The following VWA5B2 variants were observed in gnomAD, a reference collection of about 807,000 sequenced individuals.
The protein encoded by VWA5B2 is von Willebrand factor A domain-containing protein 5B2.
Under a neutral mutation model 118.5 loss-of-function variants are expected in VWA5B2, and 93 were observed. The observed-to-expected ratio is 0.79, with a 90% CI of 0.66 to 0.93. The LOEUF (loss-of-function observed/expected upper bound fraction) is 0.93, where lower values mean the gene tolerates loss of function less well. Ranked by LOEUF, VWA5B2 falls within the 40% of genes least tolerant of loss-of-function variation. The probability of loss-of-function intolerance (pLI) is 0.00; values close to 1 mark genes in which losing one functional copy is unlikely to be tolerated. For missense variants in VWA5B2, 1,546 were observed against 1,672.8 expected (o/e 0.92, Z 1.32); for synonymous variants, 708 against 716.3 (o/e 0.99, Z 0.19).
chr3:184,233,390 G>A lies in VWA5B2; in HGVS notation c.523G>A (p.Asp175Asn). Residue 175 changes from aspartate to asparagine, a missense_variant, in exon 4 of 20, where the codon GAC becomes AAC. Physicochemically the swap from Asp to Asn is conservative, Grantham distance 23 (BLOSUM62 1). Transcript: ENST00000691901. The surrounding 1 kb of genome is among the most constrained non-coding windows in gnomAD (Gnocchi z 5.2). ...PGPPRPPGLC[D>N]DSPTSCFGVG... ...GCCCCCCAGGCCTCCGGGGCTCTGT[G>A]ACGACAGGTTGGGCCTATGGTGATT... 1 of 1,535,532 alleles carries A rather than the reference G, an allele frequency of 6.5e-7. No individual in the cohort carries two copies. Among genetic ancestry groups the A allele is most frequent in the Non-Finnish European group, 8.8e-7 (1 of 1,140,986 alleles).
rs1177860865 is a variant in VWA5B2 at position 184,241,439 on chromosome 3, G to A, written c.3180+35G>A. ...CGGGAGGTGGAGGGTGGTGCCGCCG[G>A]GGCCGGGCGCTGTTTCAGCTCGCTT... On this transcript the variant is annotated intron_variant, in intron 19 of 19. Transcript: ENST00000691901. The surrounding 1 kb of genome is among the most constrained non-coding windows in gnomAD (Gnocchi z 5.1). 3.2e-6 allele frequency: 5 copies of A among 1,568,458 alleles called. No individual in the cohort carries two copies. The highest frequency in any genetic ancestry group is 4.3e-6 in the Non-Finnish European group (5 of 1,155,388).
rs1381848306 is a variant in VWA5B2, at chr3:184,237,659, G to C, written c.1719+248G>C. Reference sequence around the variant, plus strand: ...GTGTTACCCCTCAGTTTTTACCCAAGGTCACTAAAGCACACAGCCACAGAA... The same window carrying C: ...GTGTTACCCCTCAGTTTTTACCCAACGTCACTAAAGCACACAGCCACAGAA... On this transcript the variant is annotated intron_variant, in intron 12 of 19. Coordinates refer to ENST00000691901, the MANE Select transcript of VWA5B2 (RefSeq NM_001390846.1). This position sits in a 1 kb window ranked among gnomAD's most constrained non-coding sequence, Gnocchi z 5.6. Among the ~76,000 whole-genome samples the C allele has an allele frequency of 2.0e-5, 3 of 152,098 alleles. No homozygotes were observed. The East Asian group carries it at 5.8e-4, about 29-fold the overall frequency.
chr3:184,230,642 C>T lies in VWA5B2; in HGVS notation c.114C>T (p.Arg38=), dbSNP rs1717286743. ...CLSVRARLTY[R]NPQPQPVDGV... ...GCGTGCGGGCCCGGCTCACCTACCG[C>T]AACCCGCAGCCGCAGCCGGTGGACG... The change falls in exon 2 of 20, where the codon CGC becomes CGT. Residue 38 remains arginine, a synonymous_variant. Coordinates refer to ENST00000691901, the MANE Select transcript of VWA5B2 (RefSeq NM_001390846.1). The T allele has an allele frequency of 1.5e-6, 2 of 1,351,224 alleles. No individual in the cohort carries two copies. Among genetic ancestry groups the T allele is most frequent in the African/African-American group, 3.1e-5 (2 of 65,480 alleles). The allele number at this position is 1,351,224 out of a possible 1,614,324, so 83.7% of individuals were successfully genotyped here. A position where few individuals can be genotyped will look rare whatever the true frequency, so the allele number is the denominator to read the frequency against.
At position 184,238,572 on chromosome 3, in the gene VWA5B2, C is replaced by G. The variant is rs1353164271; in HGVS notation, c.1901C>G (p.Ala634Gly). The change falls in exon 14 of 20, where the codon GCT (alanine) becomes GGT (glycine). Residue 634 changes from alanine (A) to glycine (G), a missense_variant. Around this residue, in one of 3 missense-constraint regions of VWA5B2, gnomAD observed 775 missense variants for 882.3 expected, o/e 0.88. Transcript: ENST00000691901. This position sits in a 1 kb window ranked among gnomAD's most constrained non-coding sequence, Gnocchi z 5.0. ...TACTGCCTCCCAGCAGGTACTGATG[C>G]TCTGACAGACCCAGTCACGGATCCT... is the stretch of plus-strand genomic sequence containing the variant. ...AARDSEQSTD[A>G]LTDPVTDPGP... 1.3e-6 allele frequency: 2 copies of G among 1,548,446 alleles called. No individual in the cohort carries two copies. Among genetic ancestry groups the G allele is most frequent in the Non-Finnish European group, 1.7e-6 (2 of 1,144,422 alleles).
chr3:184,240,387 A>C (rs1216206667), intron 16 of VWA5B2: 1 of 343,652 alleles, frequency 2.9e-6, no homozygotes, highest in Non-Finnish European at 5.3e-6. Flanking sequence ...GAAAATACTT[A>C]AAGTTCATTT....
chr3:184,239,877 G>C lies in VWA5B2; in HGVS notation c.2581G>C (p.Glu861Gln), dbSNP rs766185179. The change falls in exon 16 of 20, where the codon GAG becomes CAG. Residue 861 changes from glutamate to glutamine, a missense_variant. Physicochemically the swap from Glu to Gln is conservative, Grantham distance 29. Transcript: ENST00000691901. This position sits in a 1 kb window ranked among gnomAD's most constrained non-coding sequence, Gnocchi z 5.1. ...GTGCTGGGAGGTGGGTGTTGGGCTG[G>C]AGACACTGTGGGGACCTGGAGATGG... ...PMCWEVGVGL[E>Q]TLWGPGDGSQ... The C allele has an allele frequency of 6.4e-7, 1 of 1,551,680 alleles. No individual in the cohort carries two copies.
At position 184,239,805 on chromosome 3, in the gene VWA5B2, C is replaced by G; in HGVS notation, c.2509C>G (p.Pro837Ala). 2.6e-6 allele frequency: 4 copies of G among 1,548,136 alleles called. No individual in the cohort carries two copies. The highest frequency in any genetic ancestry group is 2.6e-6 in the Non-Finnish European group (3 of 1,144,412). Residue 837 changes from proline to alanine, a missense_variant, in exon 16 of 20, where the codon CCA becomes GCA. By Grantham distance (27) the Pro-to-Ala change is conservative (BLOSUM62 -1). This residue lies in a region of VWA5B2 where 763 missense variants were observed against 766.6 expected (regional missense o/e 1.00). Transcript: ENST00000691901. The surrounding 1 kb of genome is among the most constrained non-coding windows in gnomAD (Gnocchi z 5.1). ...CCCTCCAGCAGTGCCTCCCCAGGCT[C>G]CACGCTGCCATGTGGTGATCCGGGG... ...LAPPAVPPQA[P>A]RCHVVIRGLC...
chr3:184,238,295 C>G lies in VWA5B2; in HGVS notation c.1720-8C>G. On this transcript the variant is annotated splice_region_variant and splice_polypyrimidine_tract_variant and intron_variant, in intron 12 of 19. Coordinates refer to ENST00000691901, the MANE Select transcript of VWA5B2 (RefSeq NM_001390846.1). This position sits in a 1 kb window ranked among gnomAD's most constrained non-coding sequence, Gnocchi z 5.0. Reference sequence around the variant, plus strand: ...AGTTAATTTTTTTCCCAATAATATTCTCTCTAGGGCCAAGAGCCTGGCTGG... The same window carrying G: ...AGTTAATTTTTTTCCCAATAATATTGTCTCTAGGGCCAAGAGCCTGGCTGG... 6.8e-7 allele frequency: 1 copy of G among 1,474,716 alleles called. No individual in the cohort carries two copies. The highest frequency in any genetic ancestry group is 2.7e-5 in the Admixed American group (1 of 37,684). The allele number at this position is 1,474,716 out of a possible 1,614,324, so 91.4% of individuals were successfully genotyped here. A position where few individuals can be genotyped will look rare whatever the true frequency, so the allele number is the denominator to read the frequency against.
intron 11 of VWA5B2, among the ~76,000 whole-genome samples, 189 bp downstream of exon 11, chr3:184,236,938 AC>A (rs1425798970): frequency 6.6e-6 from 1 of 152,092 alleles, no homozygotes; most frequent in Non-Finnish European, 1.5e-5. Context: ...ACTGTCTCTG[AC>A]CACCCTCTGA....
rs1289432356 is a variant in VWA5B2 at position 184,242,247 on chromosome 3, C to A, written c.*209C>A. ...CCTCCCACCCCACTCACACTCCCCT[C>A]CATCCTCTGAGCTCCCTGCAACACA... On this transcript the variant is annotated 3_prime_UTR_variant, in exon 20 of 20. Transcript: ENST00000691901. 3 of 747,780 alleles carry A rather than the reference C, an allele frequency of 4.0e-6. No homozygotes were observed. The highest frequency in any genetic ancestry group is 4.4e-6 in the Non-Finnish European group (2 of 451,740). 46.3% of individuals were successfully genotyped at this position (747,780 alleles called of 1,614,324 possible).
Position 184,239,305 on chromosome 3 carries a change from G to C in VWA5B2, c.2203-89G>C. On this transcript the variant is annotated intron_variant, in intron 14 of 19. Coordinates refer to ENST00000691901, the MANE Select transcript of VWA5B2 (RefSeq NM_001390846.1). This position sits in a 1 kb window ranked among gnomAD's most constrained non-coding sequence, Gnocchi z 5.1. ...TGGTGAGCGGCCACCCAGGGTTTCA[G>C]AAAAGGGGCATGGGCCAGCTGTGCA... is the stretch of plus-strand genomic sequence containing the variant. 2 of 1,376,344 alleles carry C rather than the reference G, an allele frequency of 1.5e-6. No homozygotes were observed. The highest frequency in any genetic ancestry group is 1.9e-6 in the Non-Finnish European group (2 of 1,054,756). The allele number at this position is 1,376,344 out of a possible 1,614,324, so 85.3% of individuals were successfully genotyped here.
Position 184,238,657 on chromosome 3 carries a change from G to A in VWA5B2, c.1986G>A (p.Arg662=). The change falls in exon 14 of 20, where the codon CGG becomes CGA. Residue 662 remains arginine (R), a synonymous_variant. Coordinates refer to ENST00000691901, the MANE Select transcript of VWA5B2 (RefSeq NM_001390846.1). The surrounding 1 kb of genome is among the most constrained non-coding windows in gnomAD (Gnocchi z 5.0). ...GCATCTTTCAGTCCTCGTACATTCG[G>A]GAGCAGTATGTGCTCACCCACTGCT... ...WRRIFQSSYI[R]EQYVLTHCSA... is the part of the protein sequence containing the mutation. 6.4e-7 allele frequency: 1 copy of A among 1,551,592 alleles called. No individual in the cohort carries two copies. The highest frequency in any genetic ancestry group is 1.2e-5 in the South Asian group (1 of 84,064).
rs779760049 is a variant in VWA5B2, at chr3:184,234,236, A to T, written c.689-30A>T. 2.5e-5 allele frequency: 38 copies of T among 1,548,800 alleles called. No individual in the cohort carries two copies. The South Asian group carries it at 3.9e-4, about 16-fold the overall frequency. The stretch of plus-strand genomic sequence containing the variant: ...GTCCCTGGGAAGGTGTTATGGCTAC[A>T]TCTCCCCTTCCTGCCTCTATGTCCC... On this transcript the variant is annotated intron_variant, in intron 5 of 19. Coordinates refer to ENST00000691901, the MANE Select transcript of VWA5B2 (RefSeq NM_001390846.1).
At chr3:184,232,100 G>A (rs1349200063) in intron 3 of VWA5B2, among the ~76,000 whole-genome samples, 1 of 152,184 alleles carries the variant, frequency 6.6e-6, no homozygotes, top group Non-Finnish European at 1.5e-5. Context: ...TGAATCCCAA[G>A]TAGTGGGTAA....
chr3:184,242,311 A>G lies in VWA5B2; in HGVS notation c.*273A>G, dbSNP rs1489297914. The G allele has an allele frequency of 1.3e-6, 1 of 778,652 alleles. No individual in the cohort carries two copies. The highest frequency in any genetic ancestry group is 2.2e-6 in the Non-Finnish European group (1 of 458,900). 48.2% of individuals were successfully genotyped at this position (778,652 alleles called of 1,614,324 possible). On this transcript the variant is annotated 3_prime_UTR_variant, in exon 20 of 20. Coordinates refer to ENST00000691901, the MANE Select transcript of VWA5B2 (RefSeq NM_001390846.1). ...GAGCCACAGTCCCCAAATCCTATGCAATAAAGTGCCTCTTAGGACTGCTTG... is the reference window on the plus strand; with the variant it reads ...GAGCCACAGTCCCCAAATCCTATGCGATAAAGTGCCTCTTAGGACTGCTTG...
Position 184,241,427 on chromosome 3 carries a change from GTGGTGCCGCCGGGGCCGGGCGC to G in VWA5B2, c.3180+26_3181-39del. ...TTGGTGAGGACTCGGGAGGTGGAGGGTGGTGCCGCCGGGGCCGGGCGCTGTTTCAGCTCGCTTCTCCCCCCAC... is the reference window on the plus strand; with the variant it reads ...TTGGTGAGGACTCGGGAGGTGGAGGGTGTTTCAGCTCGCTTCTCCCCCCAC... On this transcript the variant is annotated intron_variant, in intron 19 of 19. Transcript: ENST00000691901. This position sits in a 1 kb window ranked among gnomAD's most constrained non-coding sequence, Gnocchi z 5.1. 6.3e-7 allele frequency: 1 copy of G among 1,575,570 alleles called. No homozygotes were observed. Among genetic ancestry groups the G allele is most frequent in the Non-Finnish European group, 8.6e-7 (1 of 1,159,498 alleles).
intron 3 of VWA5B2, 104 bp downstream of exon 3, chr3:184,231,021 C>T (rs1577084344): frequency 5.0e-6 from 6 of 1,188,874 alleles, no homozygotes; most frequent in Non-Finnish European, 6.2e-6. Context: ...CCGGGCACTG[C>T]CTTGTGCATT....
chr3:184,240,724 T>C, intron 16 of VWA5B2, 67 bp from the exon 17 acceptor site: 1 of 1,523,566 alleles, frequency 6.6e-7, no homozygotes, highest in Non-Finnish European at 8.8e-7. Context: ...ACACTGCAAT[T>C]TTTTCTATGA....
rs1236073036 is a variant in VWA5B2, at chr3:184,236,450, G to A, written c.1320G>A (p.Arg440=). The change falls in exon 10 of 20, where the codon AGG becomes AGA. Residue 440 remains arginine, a synonymous_variant. Transcript: ENST00000691901. ...GGGCCGTGGGGCAGCCCCAGCACAG[G>A]GCCTACCCTCGGCAGCTGTTCCTGC... The part of the protein sequence containing the change: ...LDWAVGQPQH[R]AYPRQLFLLT... 3.2e-6 allele frequency: 5 copies of A among 1,546,904 alleles called. No individual in the cohort carries two copies. In the South Asian group the frequency reaches 4.8e-5, roughly 15 times the overall value.
Sources: gnomAD v4.1 joint callset for allele counts (sites outside exome capture counted in the v4.1 genomes callset) on GRCh38, gnomAD v4.1.1 for gene constraint, gnomAD v4.1.1 regional missense constraint, Gnocchi (gnomAD v3.1) non-coding constraint, MANE v1.5 for transcripts, NCBI Gene and HGNC (gene_info 2026-07-23, HGNC 2026-07-21) for gene names.